PHC3: variants seen among roughly 807,000 people sequenced by gnomAD.
PHC3 encodes polyhomeotic homolog 3, also known as polyhomeotic-like protein 3.
Under a neutral mutation model 107.4 loss-of-function variants are expected in PHC3, and 13 were observed. That is an observed-to-expected ratio of 0.12 (90% CI 0.08 to 0.19). PHC3 has a LOEUF of 0.19. Among genes scored for constraint, PHC3 ranks in the 10% least tolerant of loss-of-function variants. The pLI is 1.00. For synonymous variants in PHC3, 456 were observed against 427.4 expected, an observed-to-expected ratio of 1.07 and a Z score of -0.83; for missense variants, 992 against 1,210.9, an observed-to-expected ratio of 0.82 and a Z score of 2.68.
Position 170,097,248 on chromosome 3 carries a change from G to C in PHC3, c.2970C>G (p.Asn990Lys). The change falls in exon 15 of 15, where the codon AAC becomes AAG. Residue 990 changes from asparagine to lysine, a missense_variant. By Grantham distance (94) the Asn-to-Lys change is moderately conservative (BLOSUM62 0). Around this residue, in one of 6 missense-constraint regions of PHC3, gnomAD observed 21 missense variants for 52.5 expected, o/e 0.40. Coordinates refer to ENST00000495893, the MANE Select transcript of PHC3 (RefSeq NM_024947.4). The surrounding 1 kb of genome is among the most constrained non-coding windows in gnomAD (Gnocchi z 4.1). ...GPALKICARI[N>K]SLKES ...GTTCCTGTTAAGATTCCTTCAGAGA[G>C]TTGATGCGTGCACAGATCTTCAGGG... The C allele has an allele frequency of 6.2e-6, 10 of 1,608,636 alleles. No individual in the cohort carries two copies. The highest frequency in any genetic ancestry group is 8.5e-6 in the Non-Finnish European group (10 of 1,176,362).
chr3:170,155,155 G>A (rs2108631230), intron 4 of PHC3, among the ~76,000 whole-genome samples: 1 of 152,314 alleles, frequency 6.6e-6, no homozygotes, highest in South Asian at 2.1e-4. Context: ...ACCTGTTAAT[G>A]TCCTCAAAAG....
chr3:170,144,038 A>G lies in PHC3; in HGVS notation c.672+1385T>C, dbSNP rs1724544847. On this transcript the variant is annotated intron_variant, in intron 6 of 14. Coordinates refer to ENST00000495893, the MANE Select transcript of PHC3 (RefSeq NM_024947.4). ...CTGAGCAGTATTCCACTGTAAGAATATATCGAGGCCGGGCGTGGTGGCTCA... is the reference window on the plus strand; with the variant it reads ...CTGAGCAGTATTCCACTGTAAGAATGTATCGAGGCCGGGCGTGGTGGCTCA... Among the ~76,000 whole-genome samples, 4 of 152,096 alleles carry G rather than the reference A, an allele frequency of 2.6e-5. No individual in the cohort carries two copies. In the South Asian group the frequency reaches 8.3e-4, roughly 32 times the overall value.
intron 2 of PHC3, among the ~76,000 whole-genome samples, chr3:170,175,150 C>A (rs914736624): frequency 2.0e-5 from 3 of 152,068 alleles, no homozygotes; most frequent in African/African-American, 7.2e-5. Flanking sequence ...ACAGAAAAAG[C>A]AAGCTGGAAG....
At chr3:170,152,593 CT>C (rs1262567586) in intron 4 of PHC3, among the ~76,000 whole-genome samples, 1 of 151,972 alleles carries the variant, frequency 6.6e-6, no homozygotes, top group African/African-American at 2.4e-5. Context: ...ACCATTCCCT[CT>C]CAGTCTTCTT....
At chr3:170,130,307 A>G (rs1722047981) in intron 7 of PHC3, among the ~76,000 whole-genome samples, 1 of 152,188 alleles carries the variant, frequency 6.6e-6, no homozygotes, top group Non-Finnish European at 1.5e-5. Context: ...CATCCTTTCT[A>G]ATCCATATCT....
At chr3:170,168,179 G>T (rs370124816) in intron 4 of PHC3, among the ~76,000 whole-genome samples, 1 of 115,186 alleles carries the variant, frequency 8.7e-6, no homozygotes, top group Non-Finnish European at 1.8e-5. Flanking sequence ...GAATGGAAAG[G>T]CAAAGTCAAA....
At chr3:170,113,070 T>C (rs1718150947) in intron 11 of PHC3, among the ~76,000 whole-genome samples, 2 of 152,212 alleles carry the variant, frequency 1.3e-5, no homozygotes, top group African/African-American at 4.8e-5. Flanking sequence ...ATTGTTTTGA[T>C]ACTAAAATTC....
At chr3:170,100,653 T>C (rs1715324593) in intron 14 of PHC3, among the ~76,000 whole-genome samples, 1 of 152,170 alleles carries the variant, frequency 6.6e-6, no homozygotes, top group Non-Finnish European at 1.5e-5. Context: ...AAGACAAGCA[T>C]TTTAAGTTAT....
At chr3:170,136,380 T>G (rs761706700) in intron 7 of PHC3, 39 bp downstream of exon 7, 3 of 1,610,630 alleles carry the variant, frequency 1.9e-6, no homozygotes, top group East Asian at 4.5e-5. Context: ...GCTAAGAAAA[T>G]GAATAATACA....
At chr3:170,132,692 G>T (rs1722454224) in intron 7 of PHC3, among the ~76,000 whole-genome samples, 1 of 152,240 alleles carries the variant, frequency 6.6e-6, no homozygotes, top group South Asian at 2.1e-4. Context: ...AGGACTGTGA[G>T]AAAATTAATT....
chr3:170,128,636 T>C (rs1012799908), intron 8 of PHC3, 48 bp downstream of exon 8: 1 of 1,562,326 alleles, frequency 6.4e-7, no homozygotes, highest in Non-Finnish European at 8.6e-7. Context: ...AAAAAATAGT[T>C]TTTACTTTCA....
At chr3:170,132,859 G>A (rs1370728289) in intron 7 of PHC3, among the ~76,000 whole-genome samples, 1 of 152,130 alleles carries the variant, frequency 6.6e-6, no homozygotes, top group East Asian at 1.9e-4. Context: ...TAAAAACTGT[G>A]ATAGAAAAAC....
intron 4 of PHC3, among the ~76,000 whole-genome samples, chr3:170,153,762 CA>C (rs371840050): frequency 1.6e-3 from 169 of 108,700 alleles, no homozygotes; most frequent in Middle Eastern, 5.0e-3. Flanking sequence ...GACTCCGTCT[CA>C]AAAAAAAAAA....
intron 4 of PHC3, among the ~76,000 whole-genome samples, chr3:170,161,558 C>T (rs905936948): frequency 4.6e-5 from 7 of 152,220 alleles, no homozygotes; most frequent in Non-Finnish European, 1.0e-4. Context: ...TGCCACTGAT[C>T]TGACAGGAGG....
rs540349471 is a variant in PHC3, at chr3:170,165,447, A to C, written c.414+5926T>G. On this transcript the variant is annotated intron_variant, in intron 4 of 14. Coordinates refer to ENST00000495893, the MANE Select transcript of PHC3 (RefSeq NM_024947.4). ...AATAGAAGCCAATACCCAGATAACA[A>C]AGATATCAGAATTATATGATGAAGG... 4.6e-5 allele frequency among the ~76,000 whole-genome samples: 7 copies of C among 152,180 alleles called. No homozygotes were observed. The South Asian group carries it at 1.5e-3, about 32-fold the overall frequency.
intron 10 of PHC3, among the ~76,000 whole-genome samples, chr3:170,114,664 C>A (rs1718548842): frequency 6.6e-6 from 1 of 152,088 alleles, no homozygotes; most frequent in Non-Finnish European, 1.5e-5. Flanking sequence ...AGGAATACTA[C>A]CTATTTTAGA....
At chr3:170,154,973 C>T (rs895513267) in intron 4 of PHC3, among the ~76,000 whole-genome samples, 10 of 152,322 alleles carry the variant, frequency 6.6e-5, no homozygotes, top group South Asian at 4.1e-4. Flanking sequence ...ACTCCTAATT[C>T]CCTTTCACTG....
chr3:170,164,786 A>G (rs1334057941), intron 4 of PHC3, among the ~76,000 whole-genome samples: 1 of 152,218 alleles, frequency 6.6e-6, no homozygotes, highest in Non-Finnish European at 1.5e-5. Flanking sequence ...CCCCAACAAA[A>G]GCCTGCTCTT....
rs777912781 is a variant in PHC3 at position 170,113,513 on chromosome 3, G to T, written c.2200C>A (p.Arg734Ser). 6.3e-7 allele frequency: 1 copy of T among 1,590,932 alleles called. No homozygotes were observed. The highest frequency in any genetic ancestry group is 1.2e-5 in the South Asian group (1 of 86,280). ...GGCTGTTCTATTAGCAAAGAGGAAC[G>T]ACTCACCTTTAAAAAAGGAGAAATA... The part of the protein sequence containing the change: ...QEGLEPFPVS[R>S]SSLLIEQPVK... The change falls in exon 11 of 15, where the codon CGT becomes AGT. Residue 734 changes from arginine to serine, a missense_variant. This residue lies in a region of PHC3 where 228 missense variants were observed against 288.8 expected (regional missense o/e 0.79). Transcript: ENST00000495893.
Sources: allele counts gnomAD v4.1 joint callset (sites outside exome capture counted in the v4.1 genomes callset), GRCh38; gene constraint gnomAD v4.1.1; regional missense constraint gnomAD v4.1.1; non-coding constraint Gnocchi (gnomAD v3.1); transcripts MANE v1.5; gene names NCBI Gene and HGNC (gene_info 2026-07-23, HGNC 2026-07-21).